Variants in HIVEP2 observed in about 807,000 individuals in gnomAD.
The protein encoded by HIVEP2 is transcription factor HIVEP2.
In HIVEP2, 14 loss-of-function variants were observed where a neutral mutation model predicts 180.7. The observed-to-expected ratio is 0.08, with a 90% CI of 0.05 to 0.12. HIVEP2 has a LOEUF of 0.12. Among genes scored for constraint, HIVEP2 ranks in the 10% least tolerant of loss-of-function variants. The pLI is 1.00. For missense variants in HIVEP2, 2,579 were observed against 3,008.5 expected, an observed-to-expected ratio of 0.86 and a Z score of 3.34; for synonymous variants, 1,184 against 1,136.4, an observed-to-expected ratio of 1.04 and a Z score of -0.84.
chr6:142,896,523 A>G (rs1776999174), intron 1 of HIVEP2, among the ~76,000 whole-genome samples: 2 of 152,274 alleles, frequency 1.3e-5, no homozygotes, highest in South Asian at 4.1e-4. Context: ...TCGGCCTCTC[A>G]TTCCAGGATG....
intron 1 of HIVEP2, among the ~76,000 whole-genome samples, chr6:142,887,182 AT>A: frequency 1.3e-5 from 2 of 152,338 alleles, no homozygotes; most frequent in East Asian, 3.9e-4. Flanking sequence ...AAAAAATGAA[AT>A]TTAGAAACTG....
At chr6:142,824,966 A>G (rs1774839290) in intron 2 of HIVEP2, among the ~76,000 whole-genome samples, 1 of 152,230 alleles carries the variant, frequency 6.6e-6, no homozygotes, top group South Asian at 2.1e-4. Context: ...CACAGAGGCC[A>G]GAGAGAATGA....
intron 1 of HIVEP2, among the ~76,000 whole-genome samples, chr6:142,859,383 C>A (rs1309532237): frequency 1.3e-5 from 2 of 151,606 alleles, no homozygotes; most frequent in Admixed American, 6.6e-5. Flanking sequence ...ATCACTTCAG[C>A]CCAGGAGGTC....
intron 1 of HIVEP2, among the ~76,000 whole-genome samples, chr6:142,933,988 G>T (rs1777995157): frequency 6.6e-6 from 1 of 152,174 alleles, no homozygotes; most frequent in African/African-American, 2.4e-5. Context: ...AAGTGCATTA[G>T]TGACCTACAC....
At chr6:142,873,134 C>G (rs1776336489) in intron 1 of HIVEP2, among the ~76,000 whole-genome samples, 1 of 152,174 alleles carries the variant, frequency 6.6e-6, no homozygotes, top group Non-Finnish European at 1.5e-5. Context: ...GCCCACTGCA[C>G]AGAAACATAG....
At chr6:142,941,394 TATC>T (rs1401010850) in intron 1 of HIVEP2, among the ~76,000 whole-genome samples, 1 of 152,214 alleles carries the variant, frequency 6.6e-6, no homozygotes, top group African/African-American at 2.4e-5. Flanking sequence ...TTGCCATAAA[TATC>T]ATACAGAAAG....
intron 2 of HIVEP2, among the ~76,000 whole-genome samples, chr6:142,785,471 C>T (rs930996140): frequency 5.9e-5 from 9 of 152,072 alleles, no homozygotes; most frequent in Admixed American, 5.2e-4. Context: ...TCAGTGACTA[C>T]CTGTGACTGG....
At chr6:142,890,273 T>A (rs1174248669) in intron 1 of HIVEP2, among the ~76,000 whole-genome samples, 2 of 152,216 alleles carry the variant, frequency 1.3e-5, no homozygotes, top group African/African-American at 4.8e-5. Flanking sequence ...GAAGATCAGA[T>A]AACAGAGTTC....
intron 1 of HIVEP2, among the ~76,000 whole-genome samples, chr6:142,869,230 G>C (rs1333357465): frequency 6.6e-6 from 1 of 152,102 alleles, no homozygotes; most frequent in Non-Finnish European, 1.5e-5. Flanking sequence ...TCCTGGCCTA[G>C]ATGTTGCTTT....
At chr6:142,863,743 A>C (rs1776063938) in intron 1 of HIVEP2, among the ~76,000 whole-genome samples, 1 of 152,198 alleles carries the variant, frequency 6.6e-6, no homozygotes, top group Admixed American at 6.5e-5. Flanking sequence ...CATATTGCAC[A>C]TTTTGAGGTC....
chr6:142,871,204 G>C (rs555657014), intron 1 of HIVEP2, among the ~76,000 whole-genome samples: 1 of 152,288 alleles, frequency 6.6e-6, no homozygotes, highest in African/African-American at 2.4e-5. Context: ...AAATAATGGT[G>C]ATAATAATAC....
rs1037092919 is a variant in HIVEP2, at chr6:142,921,724, T to C, written c.-641+23375A>G. Among the ~76,000 whole-genome samples the C allele has an allele frequency of 2.0e-5, 3 of 152,222 alleles. No homozygotes were observed. The South Asian group carries it at 6.2e-4, about 32-fold the overall frequency. ...CCATGTATTAATCTCAAACCAGTAGTTAATCCTAATCTGAAATAACTAGGG... is the reference window on the plus strand; with the variant it reads ...CCATGTATTAATCTCAAACCAGTAGCTAATCCTAATCTGAAATAACTAGGG... On this transcript the variant is annotated intron_variant, in intron 1 of 9. Transcript: ENST00000367603.
chr6:142,754,617 A>G (rs773279468), intron 9 of HIVEP2, among the ~76,000 whole-genome samples: 1 of 152,240 alleles, frequency 6.6e-6, no homozygotes, highest in African/African-American at 2.4e-5. Flanking sequence ...TCTTACATCA[A>G]TAATAATTTT....
intron 4 of HIVEP2, 141 bp from the exon 5 acceptor site, chr6:142,775,266 A>T (rs1775669306): frequency 6.2e-6 from 1 of 161,734 alleles, no homozygotes; most frequent in South Asian, 2.0e-4. Context: ...TATTGAGATT[A>T]CATTAATTCC....
chr6:142,838,929 A>G (rs933063162), intron 1 of HIVEP2, among the ~76,000 whole-genome samples: 1 of 152,164 alleles, frequency 6.6e-6, no homozygotes, highest in African/African-American at 2.4e-5. Context: ...TGCAGCAACT[A>G]TGCTCTCATT....
chr6:142,913,989 T>G (rs1333791335), intron 1 of HIVEP2, among the ~76,000 whole-genome samples: 1 of 151,918 alleles, frequency 6.6e-6, no homozygotes, highest in East Asian at 1.9e-4. Context: ...TGAAATATTA[T>G]CAGGCTCTCA....
At chr6:142,829,282 G>A (rs549161769) in intron 2 of HIVEP2, among the ~76,000 whole-genome samples, 29 of 151,824 alleles carry the variant, frequency 1.9e-4, no homozygotes, top group African/African-American at 7.0e-4. Flanking sequence ...CCAATGTTAT[G>A]TTCCAAACAT....
At chr6:142,829,748 A>G (rs56243433) in intron 2 of HIVEP2, among the ~76,000 whole-genome samples, 17,932 of 152,300 alleles carry the variant, frequency 0.12, 1,320 homozygotes, top group Non-Finnish European at 0.17. Context: ...TGTAAGAAGA[A>G]TGGGGCTCAA....
chr6:142,757,350 T>A (rs183438972), intron 9 of HIVEP2, among the ~76,000 whole-genome samples: 81 of 152,246 alleles, frequency 5.3e-4, no homozygotes, highest in African/African-American at 1.7e-3. Flanking sequence ...TGATAAAGTT[T>A]AATAACACTA....
Sources: gnomAD v4.1 joint callset for allele counts (sites outside exome capture counted in the v4.1 genomes callset) on GRCh38, gnomAD v4.1.1 for gene constraint, MANE v1.5 for transcripts, NCBI Gene and HGNC (gene_info 2026-07-23, HGNC 2026-07-21) for gene names.